POU6F2: variants seen among roughly 807,000 people sequenced by gnomAD.
POU6F2 encodes POU domain, class 6, transcription factor 2.
A neutral mutation model predicts 71.3 loss-of-function variants in POU6F2; 31 were observed. The ratio of observed to expected loss-of-function variants is 0.43; its 90% CI spans 0.33 to 0.59. POU6F2 has a LOEUF of 0.59. Among genes scored for constraint, POU6F2 ranks in the 20% least tolerant of loss-of-function variants. The pLI, the probability that POU6F2 is intolerant of heterozygous loss-of-function variation, is 0.04. For missense variants in POU6F2, 783 were observed against 856.8 expected (o/e 0.91, Z 1.07); for synonymous variants, 347 against 355.7 (o/e 0.98, Z 0.27).
At chr7:38,985,628 T>G (rs1001289366) in intron 1 of POU6F2, among the ~76,000 whole-genome samples, 1 of 152,138 alleles carries the variant, frequency 6.6e-6, no homozygotes, top group African/African-American at 2.4e-5. Flanking sequence ...AGTTTGGCTG[T>G]GATATAAGAA....
intron 4 of POU6F2, among the ~76,000 whole-genome samples, chr7:39,282,748 T>C (rs151001994): frequency 1.3e-3 from 205 of 152,300 alleles, no homozygotes; most frequent in African/African-American, 4.8e-3. Flanking sequence ...TTGTACAAAA[T>C]TGCTTTGGCT....
chr7:39,043,205 C>T (rs540394024), intron 1 of POU6F2, among the ~76,000 whole-genome samples: 1 of 152,008 alleles, frequency 6.6e-6, no homozygotes, highest in Admixed American at 6.6e-5. Context: ...ACATTTAATT[C>T]AAGCATGCAA....
intron 2 of POU6F2, among the ~76,000 whole-genome samples, chr7:39,201,766 T>A (rs894514971): frequency 3.3e-5 from 5 of 152,240 alleles, no homozygotes; most frequent in African/African-American, 4.8e-5. Flanking sequence ...AACGTTCAGC[T>A]AAGTGTTGCT....
At chr7:39,191,726 A>G (rs1793671961) in intron 2 of POU6F2, among the ~76,000 whole-genome samples, 1 of 152,234 alleles carries the variant, frequency 6.6e-6, no homozygotes, top group African/African-American at 2.4e-5. Context: ...GCTTTGCTAA[A>G]AGGATAAAAG....
intron 1 of POU6F2, among the ~76,000 whole-genome samples, chr7:39,029,440 C>G (rs1354343449): frequency 6.6e-6 from 1 of 151,440 alleles, no homozygotes; most frequent in Non-Finnish European, 1.5e-5. Context: ...TTGACTTGTT[C>G]CTCATTTTAA....
rs1207669943 is a variant in POU6F2, at chr7:39,031,187, CCG to C, written c.105+53133_105+53134del. On this transcript the variant is annotated intron_variant, in intron 1 of 9. Transcript: ENST00000518318. ...GTGCTGGGATTACAGGCGTGAGCCA[CCG>C]CGCCTGGCCAACTTTATTTTTATTA... is the stretch of plus-strand genomic sequence containing the variant. 5.1e-4 allele frequency among the ~76,000 whole-genome samples: 77 copies of C among 152,220 alleles called. 1 individual carries two copies. Among genetic ancestry groups the C allele is most frequent in the Non-Finnish European group, 2.9e-4 (20 of 68,002 alleles).
intron 4 of POU6F2, among the ~76,000 whole-genome samples, chr7:39,225,829 C>T (rs1011810635): frequency 6.6e-6 from 1 of 152,082 alleles, no homozygotes; most frequent in African/African-American, 2.4e-5. Flanking sequence ...TTGCCATATT[C>T]GTTAATTTTG....
chr7:39,142,746 A>G (rs538852298), intron 2 of POU6F2, among the ~76,000 whole-genome samples: 3 of 152,310 alleles, frequency 2.0e-5, no homozygotes, highest in African/African-American at 7.2e-5. Flanking sequence ...GCTTTAATAC[A>G]GTATAAAAGA....
At chr7:39,188,823 T>C (rs1423438890) in intron 2 of POU6F2, among the ~76,000 whole-genome samples, 1 of 152,196 alleles carries the variant, frequency 6.6e-6, no homozygotes, top group Admixed American at 6.5e-5. Context: ...GGCCCAGTTG[T>C]TCAGAATTAA....
intron 4 of POU6F2, among the ~76,000 whole-genome samples, chr7:39,278,098 AG>A (rs1562774054): frequency 1.2e-5 from 1 of 80,412 alleles, no homozygotes; most frequent in Non-Finnish European, 2.4e-5. Flanking sequence ...AGAGGGAGGG[AG>A]GGAGGGAGGG....
chr7:39,242,966 G>A (rs1783753761), intron 4 of POU6F2, among the ~76,000 whole-genome samples: 1 of 152,046 alleles, frequency 6.6e-6, no homozygotes, highest in African/African-American at 2.4e-5. Context: ...GACATCTGGA[G>A]GATTGGAACT....
At chr7:39,338,341 C>T (rs1445822653) in intron 4 of POU6F2, among the ~76,000 whole-genome samples, 3 of 152,184 alleles carry the variant, frequency 2.0e-5, no homozygotes, top group Non-Finnish European at 4.4e-5. Context: ...GTCTAATAAA[C>T]GGGATGATGC....
intron 4 of POU6F2, among the ~76,000 whole-genome samples, chr7:39,227,796 A>G (rs552867940): frequency 6.6e-6 from 1 of 152,114 alleles, no homozygotes; most frequent in Admixed American, 6.5e-5. Flanking sequence ...TGACCTCATG[A>G]TCTGCCTGCC....
intron 4 of POU6F2, among the ~76,000 whole-genome samples, chr7:39,313,284 T>C (rs1244202377): frequency 1.3e-5 from 2 of 152,128 alleles, no homozygotes; most frequent in Non-Finnish European, 2.9e-5. Context: ...CAAGGGTTCT[T>C]CACCACTTGT....
At chr7:39,198,849 T>A (rs1793838194) in intron 2 of POU6F2, among the ~76,000 whole-genome samples, 1 of 152,112 alleles carries the variant, frequency 6.6e-6, no homozygotes, top group South Asian at 2.1e-4. Flanking sequence ...CTTGAAAAAA[T>A]TGAAAGGAAG....
intron 1 of POU6F2, among the ~76,000 whole-genome samples, chr7:39,007,861 A>C (rs1300584144): frequency 6.6e-5 from 10 of 151,326 alleles, no homozygotes; most frequent in Admixed American, 2.0e-4. Flanking sequence ...TGAACTCATC[A>C]TTTTTTATGG....
intron 7 of POU6F2, among the ~76,000 whole-genome samples, chr7:39,436,236 T>G (rs1788239422): frequency 6.6e-6 from 1 of 152,208 alleles, no homozygotes; most frequent in Non-Finnish European, 1.5e-5. Context: ...TTCACAATAT[T>G]GATTCTTCCT....
At chr7:39,347,637 T>G (rs937114316) in intron 5 of POU6F2, among the ~76,000 whole-genome samples, 5 of 151,782 alleles carry the variant, frequency 3.3e-5, no homozygotes, top group African/African-American at 1.2e-4. Flanking sequence ...ACTATTATTA[T>G]TATTATTATT....
chr7:39,168,313 G>A (rs1376761164), intron 2 of POU6F2, among the ~76,000 whole-genome samples: 1 of 152,128 alleles, frequency 6.6e-6, no homozygotes, highest in Non-Finnish European at 1.5e-5. Flanking sequence ...ACCATATGAG[G>A]TACATGGAGC....
Sources: allele counts gnomAD v4.1 joint callset (sites outside exome capture counted in the v4.1 genomes callset), GRCh38; gene constraint gnomAD v4.1.1; transcripts MANE v1.5; gene names NCBI Gene and HGNC (gene_info 2026-07-23, HGNC 2026-07-21).